RAD51B: variants seen among roughly 807,000 people sequenced by gnomAD.
RAD51B encodes RAD51 paralog B.
In RAD51B, 38 loss-of-function variants were observed where a neutral mutation model predicts 42.2. The observed-to-expected ratio is 0.90, with a 90% CI of 0.70 to 1.18. RAD51B has a LOEUF of 1.18. Ranked by LOEUF, RAD51B falls within the 50% of genes most tolerant of loss-of-function variation. The pLI is 0.00. For synonymous variants in RAD51B, 154 were observed against 145.2 expected (o/e 1.06, Z -0.43); for missense variants, 373 against 400.7 (o/e 0.93, Z 0.59).
At chr14:68,389,537 T>C (rs2083688594) in intron 8 of RAD51B, among the ~76,000 whole-genome samples, 1 of 152,220 alleles carries the variant, frequency 6.6e-6, no homozygotes, top group African/African-American at 2.4e-5. Flanking sequence ...TGTTTGTCCT[T>C]CTAGCCACTT....
At chr14:67,994,509 CCCAGGTAGGGTGAG>C (rs900835841) in intron 7 of RAD51B, among the ~76,000 whole-genome samples, 3 of 152,048 alleles carry the variant, frequency 2.0e-5, no homozygotes, top group African/African-American at 7.3e-5. Flanking sequence ...AATTCTTAAG[CCCAGGTAGGGTGAG>C]TTAGAAGTAT....
chr14:67,850,591 C>T (rs2041771890), intron 4 of RAD51B, among the ~76,000 whole-genome samples: 1 of 152,132 alleles, frequency 6.6e-6, no homozygotes, highest in South Asian at 2.1e-4. Flanking sequence ...GAAGAACTCT[C>T]TGTTGTTCCA....
chr14:68,135,575 T>C (rs1468213855), intron 7 of RAD51B, among the ~76,000 whole-genome samples: 6 of 152,186 alleles, frequency 3.9e-5, no homozygotes, highest in Admixed American at 3.9e-4. Context: ...CTTATTATGG[T>C]AAGCTTGTAT....
chr14:68,375,108 A>G (rs1054498348), intron 8 of RAD51B, among the ~76,000 whole-genome samples: 10 of 152,048 alleles, frequency 6.6e-5, no homozygotes, highest in African/African-American at 2.4e-4. Context: ...TTCAACAACC[A>G]AAACTTAGCG....
intron 8 of RAD51B, among the ~76,000 whole-genome samples, chr14:68,299,942 C>G (rs2139685902): frequency 6.6e-6 from 1 of 152,252 alleles, no homozygotes; most frequent in East Asian, 1.9e-4. Context: ...TCTTTCACAC[C>G]TAGTAATTGT....
chr14:67,821,001 A>G (rs1190981365), intron 1 of RAD51B, among the ~76,000 whole-genome samples: 2 of 152,124 alleles, frequency 1.3e-5, no homozygotes, highest in Non-Finnish European at 2.9e-5. Flanking sequence ...CTGCGACCCT[A>G]AGAAGTTTGG....
At chr14:67,939,158 G>A (rs1320737739) in intron 7 of RAD51B, among the ~76,000 whole-genome samples, 1 of 152,078 alleles carries the variant, frequency 6.6e-6, no homozygotes, top group Admixed American at 6.6e-5. Flanking sequence ...CAGACATACA[G>A]GCAGATATTT....
At chr14:68,186,674 T>TA (rs2079163283) in intron 7 of RAD51B, among the ~76,000 whole-genome samples, 1 of 152,088 alleles carries the variant, frequency 6.6e-6, no homozygotes, top group Non-Finnish European at 1.5e-5. Context: ...GATACCATCT[T>TA]ACACCAGTCA....
At chr14:67,846,699 C>A (rs538596584) in intron 4 of RAD51B, among the ~76,000 whole-genome samples, 1 of 152,226 alleles carries the variant, frequency 6.6e-6, no homozygotes, top group Admixed American at 6.5e-5. Flanking sequence ...CAGGTTGGGA[C>A]CCTGGGAGAG....
chr14:68,518,682 C>T (rs1171871592), intron 10 of RAD51B, among the ~76,000 whole-genome samples: 1 of 151,682 alleles, frequency 6.6e-6, no homozygotes, highest in African/African-American at 2.4e-5. Context: ...CAAATGAAGG[C>T]AGAGACAGGT....
At chr14:68,582,409 C>T (rs1359668395) in intron 10 of RAD51B, among the ~76,000 whole-genome samples, 1 of 152,236 alleles carries the variant, frequency 6.6e-6, no homozygotes, top group Non-Finnish European at 1.5e-5. Flanking sequence ...GAAAAAAGCT[C>T]ATCATCACTG....
chr14:68,240,489 C>T (rs1419852394), intron 7 of RAD51B, among the ~76,000 whole-genome samples: 3 of 152,132 alleles, frequency 2.0e-5, no homozygotes, highest in Admixed American at 1.3e-4. Context: ...CTTTATCTAA[C>T]GAAAGAAAAG....
At chr14:68,028,837 G>A (rs1218761828) in intron 7 of RAD51B, among the ~76,000 whole-genome samples, 1 of 152,204 alleles carries the variant, frequency 6.6e-6, no homozygotes, top group Non-Finnish European at 1.5e-5. Context: ...AGAGCTTCTT[G>A]GAGGGAGATG....
At position 67,825,547 on chromosome 14, in the gene RAD51B, C is replaced by A; in HGVS notation, c.168C>A (p.Val56=). 1 of 1,612,204 alleles carries A rather than the reference C, an allele frequency of 6.2e-7. No homozygotes were observed. The highest frequency in any genetic ancestry group is 1.1e-5 in the South Asian group (1 of 90,816). ...YRGVHELLCM[V]SRACAPKMQT... ...GTGTCCATGAACTTCTATGTATGGT[C>A]AGCAGGGCCTGTGCCCCAAAGATGC... The change falls in exon 3 of 11, where the codon GTC becomes GTA. Residue 56 remains valine, a synonymous_variant. Transcript: ENST00000471583.
At chr14:68,094,130 T>G (rs2077151420) in intron 7 of RAD51B, among the ~76,000 whole-genome samples, 1 of 152,260 alleles carries the variant, frequency 6.6e-6, no homozygotes, top group South Asian at 2.1e-4. Context: ...AGTTAGTTAT[T>G]TGGCTTTTTA....
At chr14:68,617,856 A>G (rs898395922) in intron 10 of RAD51B, among the ~76,000 whole-genome samples, 1 of 152,064 alleles carries the variant, frequency 6.6e-6, no homozygotes, top group Admixed American at 6.5e-5. Flanking sequence ...CAACCTCTAT[A>G]TTTTTCATCC....
At chr14:68,596,151 C>A, downstream of RAD51B, 2 of 472,552 alleles carry the variant, frequency 4.2e-6, no homozygotes, top group Non-Finnish European at 5.5e-6. Context: ...GGGCAAGAGG[C>A]ACAGAATATC....
chr14:67,986,949 C>T (rs2140282905), intron 7 of RAD51B, among the ~76,000 whole-genome samples: 1 of 152,326 alleles, frequency 6.6e-6, no homozygotes, highest in South Asian at 2.1e-4. Flanking sequence ...CCAGGCTGGT[C>T]TCAAACTCCT....
intron 10 of RAD51B, among the ~76,000 whole-genome samples, chr14:68,603,884 G>C (rs1864485273): frequency 6.6e-6 from 1 of 152,234 alleles, no homozygotes; most frequent in Non-Finnish European, 1.5e-5. Flanking sequence ...CCAACACCCA[G>C]CCACAGTGGA....
Sources: allele counts gnomAD v4.1 joint callset (sites outside exome capture counted in the v4.1 genomes callset), GRCh38; gene constraint gnomAD v4.1.1; transcripts MANE v1.5; gene names NCBI Gene and HGNC (gene_info 2026-07-23, HGNC 2026-07-21).